CFAP95: variants seen among roughly 807,000 people sequenced by gnomAD.
The protein encoded by CFAP95 is cilia- and flagella-associated protein 95.
chr9:69,846,733 T>A, the CFAP95 span, among the ~76,000 whole-genome samples: 1 of 152,190 alleles, frequency 6.6e-6, no homozygotes, highest in Non-Finnish European at 1.5e-5. Context: ...AGCAAGAGGA[T>A]GGGCAAGTCC....
At chr9:69,823,335 G>A in the CFAP95 span, among the ~76,000 whole-genome samples, 1 of 152,206 alleles carries the variant, frequency 6.6e-6, no homozygotes, top group Non-Finnish European at 1.5e-5. Context: ...CCCTCCCGAT[G>A]TGGGGATTAC....
the CFAP95 span, among the ~76,000 whole-genome samples, chr9:69,846,210 C>G: frequency 1.3e-5 from 2 of 152,136 alleles, no homozygotes; most frequent in South Asian, 4.2e-4. Context: ...CTGGGTATTC[C>G]TATACCTCAT....
chr9:69,904,929 G>C, the CFAP95 span, among the ~76,000 whole-genome samples: 2 of 152,180 alleles, frequency 1.3e-5, no homozygotes, highest in African/African-American at 4.8e-5. Context: ...GAGTTTTATA[G>C]TCAGATAGAT....
At chr9:69,890,882 G>T in the CFAP95 span, among the ~76,000 whole-genome samples, 1 of 152,192 alleles carries the variant, frequency 6.6e-6, no homozygotes, top group East Asian at 1.9e-4. Context: ...CATTGGTAAA[G>T]AAATACAGAG....
At chr9:69,849,084 C>T in the CFAP95 span, among the ~76,000 whole-genome samples, 1 of 152,162 alleles carries the variant, frequency 6.6e-6, no homozygotes, top group Admixed American at 6.5e-5. Flanking sequence ...ATCTCTCTAT[C>T]CCCTTTCCCT....
the CFAP95 span, among the ~76,000 whole-genome samples, chr9:69,846,212 A>G: frequency 4.6e-5 from 7 of 152,160 alleles, no homozygotes; most frequent in Non-Finnish European, 1.0e-4. Flanking sequence ...GGGTATTCCT[A>G]TACCTCATAT....
the CFAP95 span, among the ~76,000 whole-genome samples, chr9:69,861,969 T>C: frequency 1.3e-5 from 2 of 152,300 alleles, no homozygotes; most frequent in East Asian, 3.9e-4. Flanking sequence ...TGGGTGCCCA[T>C]AGCACTGTGT....
At chr9:69,880,380 A>T in the CFAP95 span, among the ~76,000 whole-genome samples, 1 of 152,016 alleles carries the variant, frequency 6.6e-6, no homozygotes, top group Non-Finnish European at 1.5e-5. Context: ...TGGTTTGTAG[A>T]TCCCTCAAAC....
At chr9:69,845,792 G>A in the CFAP95 span, among the ~76,000 whole-genome samples, 18 of 152,102 alleles carry the variant, frequency 1.2e-4, no homozygotes, top group African/African-American at 4.1e-4. Flanking sequence ...AGTCTCTTTG[G>A]CATCTCTATT....
the CFAP95 span, among the ~76,000 whole-genome samples, chr9:69,844,015 T>A: frequency 6.6e-6 from 1 of 152,164 alleles, no homozygotes; most frequent in Non-Finnish European, 1.5e-5. Flanking sequence ...TTAAGAACTG[T>A]TTTCTTCTAC....
chr9:69,835,035 C>T, the CFAP95 span, among the ~76,000 whole-genome samples: 9 of 152,100 alleles, frequency 5.9e-5, no homozygotes, highest in East Asian at 1.9e-4. Flanking sequence ...TTGATTCTAT[C>T]GGTTTTATGC....
At chr9:69,832,620 A>ATTTTT in the CFAP95 span, among the ~76,000 whole-genome samples, 17 of 11,348 alleles carry the variant, frequency 1.5e-3, 1 homozygote, top group African/African-American at 2.7e-3. Context: ...GTCTATTCGG[A>ATTTTT]TTTTTTTTTT....
the CFAP95 span, among the ~76,000 whole-genome samples, chr9:69,840,859 C>A: frequency 2.9e-4 from 44 of 151,978 alleles, no homozygotes; most frequent in Non-Finnish European, 5.6e-4. Flanking sequence ...CCGGCAGGCA[C>A]GAGGAAATGC....
chr9:69,820,853 T>C, the CFAP95 span: 1 of 1,611,908 alleles, frequency 6.2e-7, no homozygotes, highest in Non-Finnish European at 8.5e-7. Flanking sequence ...AGGGAACTCC[T>C]CAGAGGTCTG....
chr9:69,861,150 C>T, the CFAP95 span, among the ~76,000 whole-genome samples: 17,561 of 152,154 alleles, frequency 0.12, 1,253 homozygotes, highest in East Asian at 0.27. Context: ...ACTAGCATCA[C>T]CACAAATATG....
chr9:69,830,133 A>G, the CFAP95 span, among the ~76,000 whole-genome samples: 1 of 152,210 alleles, frequency 6.6e-6, no homozygotes, highest in African/African-American at 2.4e-5. Context: ...GAGTATGGGA[A>G]ACATGGCTGC....
chr9:69,898,235 C>A, the CFAP95 span, among the ~76,000 whole-genome samples: 2 of 152,138 alleles, frequency 1.3e-5, no homozygotes, highest in African/African-American at 2.4e-5. Flanking sequence ...CCACATTCTT[C>A]AGCCTCCCTC....
the CFAP95 span, among the ~76,000 whole-genome samples, chr9:69,901,231 G>A: frequency 3.7e-4 from 56 of 151,554 alleles, 1 homozygote; most frequent in Non-Finnish European, 1.2e-4. Context: ...TCCGCCCCCT[G>A]GGATCACGCC....
At chr9:69,864,344 T>G in the CFAP95 span, among the ~76,000 whole-genome samples, 11 of 151,978 alleles carry the variant, frequency 7.2e-5, no homozygotes, top group East Asian at 5.8e-4. Context: ...TGTGTGTGTG[T>G]GGGTGTTTGC....
Sources: gnomAD v4.1 joint callset for allele counts (sites outside exome capture counted in the v4.1 genomes callset) on GRCh38, gnomAD v4.1.1 for gene constraint, MANE v1.5 for transcripts, NCBI Gene and HGNC (gene_info 2026-07-23, HGNC 2026-07-21) for gene names.